The following CRYBG3 variants were observed in gnomAD, a reference collection of about 807,000 sequenced individuals.
CRYBG3 encodes the protein very large A-kinase anchor protein.
A neutral mutation model predicts 244.2 loss-of-function variants in CRYBG3; 127 were observed. The ratio of observed to expected loss-of-function variants is 0.52; its 90% confidence interval spans 0.45 to 0.60. The LOEUF is 0.60. Ranked by LOEUF, CRYBG3 falls within the 20% of genes least tolerant of loss-of-function variation. The pLI is 0.00. For synonymous variants in CRYBG3, 1,132 were observed against 1,195.8 expected, an observed-to-expected ratio of 0.95 and a Z score of 1.10; for missense variants, 3,325 against 3,442.5, an observed-to-expected ratio of 0.97 and a Z score of 0.85.
chr3:97,914,100 C>G (rs1053998576), intron 16 of CRYBG3, among the ~76,000 whole-genome samples: 1 of 152,158 alleles, frequency 6.6e-6, no homozygotes, highest in African/African-American at 2.4e-5. Context: ...CTAAATCAAG[C>G]AGTCCTTTCC....
At chr3:97,895,046 A>C (rs965906184) in intron 11 of CRYBG3, among the ~76,000 whole-genome samples, 2 of 152,182 alleles carry the variant, frequency 1.3e-5, no homozygotes, top group African/African-American at 2.4e-5. Flanking sequence ...AAGAAAAAGC[A>C]GTAGTAGGCA....
intron 15 of CRYBG3, among the ~76,000 whole-genome samples, chr3:97,908,822 G>A (rs1202991451): frequency 6.6e-6 from 1 of 152,136 alleles, no homozygotes; most frequent in African/African-American, 2.4e-5. Flanking sequence ...CTCATTAGTT[G>A]ATGCAGTTTC....
At chr3:97,879,445 G>C (rs1345965114) in intron 4 of CRYBG3, among the ~76,000 whole-genome samples, 1 of 152,074 alleles carries the variant, frequency 6.6e-6, no homozygotes, top group Non-Finnish European at 1.5e-5. Context: ...ATGTAACTTA[G>C]TCCCCTGGCT....
intron 20 of CRYBG3, chr3:97,942,062 G>C (rs2107113346): frequency 5.9e-6 from 2 of 340,616 alleles, no homozygotes; most frequent in South Asian, 1.4e-4. Flanking sequence ...TTAAAAACAA[G>C]TACCTCTATT....
intron 1 of CRYBG3, among the ~76,000 whole-genome samples, chr3:97,834,438 A>G (rs1379835576): frequency 6.6e-6 from 1 of 152,168 alleles, no homozygotes; most frequent in East Asian, 1.9e-4. Context: ...TACCTTTCAT[A>G]TTAAAATGTA....
chr3:97,927,833 A>T (rs2040055795), intron 17 of CRYBG3, among the ~76,000 whole-genome samples: 1 of 152,140 alleles, frequency 6.6e-6, no homozygotes, highest in Non-Finnish European at 1.5e-5. Context: ...CAGTAGAGAG[A>T]TGCAAATCAA....
At position 97,864,301 on chromosome 3, in the gene CRYBG3, C is replaced by A; in HGVS notation, c.301C>A (p.Leu101Ile). ...VQEDPKKAYD[L>I]SSSTSDTKIG... ...GGAAGATCCCAAAAAGGCATATGAT[C>A]TTTCCAGTTCCACTTCAGATACCAA... The change falls in exon 3 of 22, where the codon CTT becomes ATT. Residue 101 changes from leucine (L) to isoleucine (I), a missense_variant. Around this residue, in one of 4 missense-constraint regions of CRYBG3, gnomAD observed 1,526 missense variants for 1,443.2 expected, o/e 1.06. Coordinates refer to ENST00000389622, the MANE Select transcript of CRYBG3 (RefSeq NM_153605.4). 1 of 1,535,756 alleles carries A rather than the reference C, an allele frequency of 6.5e-7. No homozygotes were observed. Among genetic ancestry groups the A allele is most frequent in the African/African-American group, 1.4e-5 (1 of 73,118 alleles).
intron 1 of CRYBG3, among the ~76,000 whole-genome samples, chr3:97,826,563 TTAAA>T (rs1187138430): frequency 1.3e-5 from 2 of 152,176 alleles, no homozygotes; most frequent in Non-Finnish European, 2.9e-5. Context: ...TTACCAATTA[TTAAA>T]TAAAATGATA....
chr3:97,824,355 G>A (rs2038550831), intron 1 of CRYBG3, among the ~76,000 whole-genome samples: 1 of 152,118 alleles, frequency 6.6e-6, no homozygotes, highest in South Asian at 2.1e-4. Flanking sequence ...TGAGAGCTGG[G>A]TATACCTTCT....
intron 4 of CRYBG3, among the ~76,000 whole-genome samples, chr3:97,878,672 T>G (rs1182631675): frequency 1.3e-5 from 2 of 152,200 alleles, no homozygotes; most frequent in African/African-American, 4.8e-5. Context: ...GTGGGAAAAT[T>G]GTCACTTTGC....
chr3:97,874,923 CT>C lies in CRYBG3; in HGVS notation c.3730del (p.Ser1244LeufsTer8). On this transcript the variant is annotated frameshift_variant, in exon 4 of 22. Coordinates refer to ENST00000389622, the MANE Select transcript of CRYBG3 (RefSeq NM_153605.4). LOFTEE classifies it high-confidence loss of function. The part of the protein sequence containing the change: ...MNLGTLKEDI[S>X]EKNPSEVTLT... The stretch of plus-strand genomic sequence containing the variant: ...ATCTGGGTACCCTGAAAGAAGACAT[CT>C]CTGAGAAAAACCCATCAGAAGTGAC... 1 of 1,535,514 alleles carries C rather than the reference CT, an allele frequency of 6.5e-7. No individual in the cohort carries two copies. The highest frequency in any genetic ancestry group is 8.7e-7 in the Non-Finnish European group (1 of 1,146,660).
intron 12 of CRYBG3, among the ~76,000 whole-genome samples, chr3:97,896,635 AG>A (rs1451767104): frequency 9.9e-5 from 15 of 152,252 alleles, no homozygotes; most frequent in African/African-American, 3.6e-4. Flanking sequence ...TGTAAAGTCA[AG>A]GTTATAACCC....
At chr3:97,942,918 A>T (rs2040264002) in intron 21 of CRYBG3, 1 of 291,728 alleles carries the variant, frequency 3.4e-6, no homozygotes, top group Non-Finnish European at 6.2e-6. Flanking sequence ...GTAGAAACAA[A>T]AACACAGTAC....
chr3:97,836,771 G>A (rs575208582), intron 1 of CRYBG3, among the ~76,000 whole-genome samples: 6 of 152,210 alleles, frequency 3.9e-5, no homozygotes, highest in Non-Finnish European at 7.4e-5. Context: ...CCCAGAGCGA[G>A]CCTCAGTAAT....
chr3:97,822,151 G>A lies in CRYBG3; in HGVS notation c.-56G>A. 1.4e-6 allele frequency: 2 copies of A among 1,389,768 alleles called. No individual in the cohort carries two copies. Among genetic ancestry groups the A allele is most frequent in the East Asian group, 2.9e-5 (1 of 34,914 alleles). The allele number at this position is 1,389,768 out of a possible 1,614,324, so 86.1% of individuals were successfully genotyped here. Reference sequence around the variant, plus strand: ...GCGCCCGGTCGGGCTCCGGGCACCAGGCAACACCTAGGCCGTTCCCTTCAG... The same window carrying A: ...GCGCCCGGTCGGGCTCCGGGCACCAAGCAACACCTAGGCCGTTCCCTTCAG... On this transcript the variant is annotated 5_prime_UTR_variant, in exon 1 of 22. Coordinates refer to ENST00000389622, the MANE Select transcript of CRYBG3 (RefSeq NM_153605.4).
rs2038848457 is a variant in CRYBG3, at chr3:97,843,333, G to A, written c.216+72G>A. Reference sequence around the variant, plus strand: ...ATTGCTGTTAATTCTTTTAGATTCTGTCATCTTATTTTACATTTCAAAAAG... The same window carrying A: ...ATTGCTGTTAATTCTTTTAGATTCTATCATCTTATTTTACATTTCAAAAAG... On this transcript the variant is annotated intron_variant, in intron 2 of 21. Transcript: ENST00000389622. 15 of 803,060 alleles carry A rather than the reference G, an allele frequency of 1.9e-5. No homozygotes were observed. The South Asian group carries it at 2.4e-4, about 13-fold the overall frequency. The allele number at this position is 803,060 out of a possible 1,614,324, so 49.7% of individuals were successfully genotyped here.
intron 17 of CRYBG3, among the ~76,000 whole-genome samples, chr3:97,916,795 G>T (rs1559743264): frequency 6.6e-6 from 1 of 152,022 alleles, no homozygotes; most frequent in African/African-American, 2.4e-5. Flanking sequence ...AATATAAATA[G>T]TGTTCTTGGT....
At chr3:97,825,122 G>A (rs918134124) in intron 1 of CRYBG3, among the ~76,000 whole-genome samples, 3 of 152,192 alleles carry the variant, frequency 2.0e-5, no homozygotes, top group Non-Finnish European at 4.4e-5. Flanking sequence ...ACATTAATGG[G>A]ACAGAGTGAA....
In CRYBG3 at chr3:97,871,910, G is replaced by C; in HGVS notation, c.716G>C (p.Gly239Ala). The stretch of plus-strand genomic sequence containing the variant: ...ACATATCGAGGCCCAAGACACATTG[G>C]GAAATATTTAAAGCAACAGACAGGC... Reference protein sequence around the residue: ...YATYRGPRHIGKYLKQQTGLA... With the variant: ...YATYRGPRHIAKYLKQQTGLA... The change falls in exon 4 of 22, where the codon GGG (glycine) becomes GCG (alanine). Residue 239 changes from glycine (G) to alanine (A), a missense_variant. Around this residue, in one of 4 missense-constraint regions of CRYBG3, gnomAD observed 1,526 missense variants for 1,443.2 expected, o/e 1.06. Transcript: ENST00000389622. 6.5e-7 allele frequency: 1 copy of C among 1,535,214 alleles called. No individual in the cohort carries two copies. The highest frequency in any genetic ancestry group is 8.7e-7 in the Non-Finnish European group (1 of 1,146,560).
Sources: allele counts gnomAD v4.1 joint callset (sites outside exome capture counted in the v4.1 genomes callset), GRCh38; gene constraint gnomAD v4.1.1; regional missense constraint gnomAD v4.1.1; transcripts MANE v1.5; gene names NCBI Gene and HGNC (gene_info 2026-07-23, HGNC 2026-07-21).